XRCC4: variants seen among roughly 807,000 people sequenced by gnomAD.
XRCC4 encodes X-ray repair cross complementing 4.
In XRCC4, 28 loss-of-function variants were observed where a neutral mutation model predicts 39.1. That is an observed-to-expected ratio of 0.72 (90% CI 0.53 to 0.98). The LOEUF (loss-of-function observed/expected upper bound fraction) is 0.98. Among genes scored for constraint, XRCC4 ranks in the 50% least tolerant of loss-of-function variants. The pLI, the probability that XRCC4 is intolerant of heterozygous loss-of-function variation, is 0.00. For missense variants in XRCC4, 350 were observed against 376.4 expected (o/e 0.93, Z 0.58); for synonymous variants, 123 against 126.4 (o/e 0.97, Z 0.18).
chr5:83,318,213 TA>T (rs1755943618), intron 7 of XRCC4, among the ~76,000 whole-genome samples: 1 of 139,266 alleles, frequency 7.2e-6, no homozygotes, highest in Non-Finnish European at 1.5e-5. Context: ...TTCAAAATAA[TA>T]AGAGCTATCT....
chr5:83,085,437 A>G (rs1420238598), intron 1 of XRCC4, among the ~76,000 whole-genome samples: 2 of 151,462 alleles, frequency 1.3e-5, no homozygotes, highest in African/African-American at 4.9e-5. Context: ...CATCTGTCTA[A>G]ACGTTGGGGC....
intron 3 of XRCC4, among the ~76,000 whole-genome samples, chr5:83,111,495 A>T (rs1405463646): frequency 1.3e-5 from 2 of 152,076 alleles, no homozygotes; most frequent in Non-Finnish European, 2.9e-5. Context: ...AGGTGAGATC[A>T]GAAGTTTTAG....
intron 6 of XRCC4, among the ~76,000 whole-genome samples, chr5:83,222,717 G>C (rs1337143258): frequency 6.6e-6 from 1 of 151,866 alleles, no homozygotes; most frequent in East Asian, 1.9e-4. Context: ...TTAGATGTTT[G>C]TGTTTTTTTG....
chr5:83,309,279 AAAAAAAAAAAAAAAAAAAT>A (rs1042980563), intron 7 of XRCC4, among the ~76,000 whole-genome samples: 1 of 122,670 alleles, frequency 8.2e-6, no homozygotes, highest in Non-Finnish European at 1.6e-5. Flanking sequence ...AAAAAAAAAA[AAAAAAAAAAAAAAAAAAAT>A]ATATATATAT....
At chr5:83,100,428 G>A (rs1008760741) in intron 1 of XRCC4, among the ~76,000 whole-genome samples, 15 of 151,994 alleles carry the variant, frequency 9.9e-5, no homozygotes, top group African/African-American at 3.4e-4. Context: ...AAAGGCATCT[G>A]GAATATTGAA....
At chr5:83,153,472 A>G (rs1419676815) in intron 3 of XRCC4, among the ~76,000 whole-genome samples, 1 of 152,202 alleles carries the variant, frequency 6.6e-6, no homozygotes, top group Non-Finnish European at 1.5e-5. Context: ...TCCAAATGTA[A>G]CAGTAAAAAA....
At chr5:83,232,671 A>C (rs940554270) in intron 6 of XRCC4, among the ~76,000 whole-genome samples, 1 of 152,134 alleles carries the variant, frequency 6.6e-6, no homozygotes, top group Admixed American at 6.6e-5. Flanking sequence ...CTTCCAAAAA[A>C]ATATCTAAAT....
At chr5:83,143,897 TTTTC>T (rs1748305700) in intron 3 of XRCC4, among the ~76,000 whole-genome samples, 1 of 151,858 alleles carries the variant, frequency 6.6e-6, no homozygotes, top group Non-Finnish European at 1.5e-5. Flanking sequence ...TGCCTAGGAG[TTTTC>T]TTTCTTTTTT....
At chr5:83,115,957 T>C (rs973203889) in intron 3 of XRCC4, among the ~76,000 whole-genome samples, 1 of 152,214 alleles carries the variant, frequency 6.6e-6, no homozygotes, top group Non-Finnish European at 1.5e-5. Flanking sequence ...GGTAAAACTT[T>C]CAGTGGATGG....
intron 3 of XRCC4, among the ~76,000 whole-genome samples, chr5:83,176,348 G>A (rs1749956966): frequency 6.6e-6 from 1 of 152,084 alleles, no homozygotes. Flanking sequence ...AGTAATTTTA[G>A]TGAAAATTGT....
At chr5:83,206,443 C>G (rs976632351) in intron 6 of XRCC4, among the ~76,000 whole-genome samples, 6 of 151,960 alleles carry the variant, frequency 3.9e-5, no homozygotes, top group Non-Finnish European at 7.4e-5. Context: ...TGGTATCCTG[C>G]TGATTGATGG....
chr5:83,166,998 C>T (rs1179687780), intron 3 of XRCC4, among the ~76,000 whole-genome samples: 1 of 151,980 alleles, frequency 6.6e-6, no homozygotes, highest in Non-Finnish European at 1.5e-5. Flanking sequence ...TCTCCTGCCT[C>T]AGCCTCCTTA....
At chr5:83,367,833 T>C in the XRCC4 span, among the ~76,000 whole-genome samples, 1 of 151,786 alleles carries the variant, frequency 6.6e-6, no homozygotes, top group South Asian at 2.1e-4. Context: ...CCTCAAGTGA[T>C]CCACCCACCT....
chr5:83,143,041 A>G (rs6869612), intron 3 of XRCC4, among the ~76,000 whole-genome samples: 2,280 of 152,262 alleles, frequency 0.015, 73 homozygotes, highest in African/African-American at 0.052. Context: ...TAGAGATTCA[A>G]ATAGTTACCA....
At chr5:83,239,844 A>G (rs572560205) in intron 6 of XRCC4, among the ~76,000 whole-genome samples, 188 of 149,816 alleles carry the variant, frequency 1.3e-3, no homozygotes, top group African/African-American at 4.5e-3. Flanking sequence ...AAAAAAAAAT[A>G]TTTTTCCTTT....
chr5:83,186,623 C>T (rs1032546971), intron 3 of XRCC4, among the ~76,000 whole-genome samples: 5 of 152,156 alleles, frequency 3.3e-5, no homozygotes, highest in African/African-American at 1.2e-4. Flanking sequence ...TTCACAGGTT[C>T]TGGAAATTAC....
chr5:83,128,235 G>A (rs1376572323), intron 3 of XRCC4, among the ~76,000 whole-genome samples: 1 of 152,040 alleles, frequency 6.6e-6, no homozygotes, highest in Non-Finnish European at 1.5e-5. Flanking sequence ...TTGGTTTTCT[G>A]TCCTTGCAAT....
At chr5:83,112,733 A>G (rs1223472018) in intron 3 of XRCC4, among the ~76,000 whole-genome samples, 1 of 152,068 alleles carries the variant, frequency 6.6e-6, no homozygotes, top group Non-Finnish European at 1.5e-5. Context: ...GGCAGGCAAA[A>G]GAACATGTGC....
Position 83,187,038 on chromosome 5 carries a change from G to A in XRCC4, c.316-8732G>A, listed in dbSNP as rs1266553513. On this transcript the variant is annotated intron_variant, in intron 3 of 7. Transcript: ENST00000396027. The stretch of plus-strand genomic sequence containing the variant: ...GGCTCACTGCAAGCTCCGCCTCCCG[G>A]GTTCACGCCATTCTCCTGCCTCAGC... Among the ~76,000 whole-genome samples the A allele has an allele frequency of 1.8e-4, 9 of 50,148 alleles. 3 individuals are homozygous for A. Among genetic ancestry groups the A allele is most frequent in the African/African-American group, 6.7e-4 (7 of 10,516 alleles). The allele number at this position is 50,148 out of a possible 152,430, so 32.9% of individuals were successfully genotyped here. A position where few individuals can be genotyped will look rare whatever the true frequency, so the allele number is the denominator to read the frequency against.
Sources: gnomAD v4.1 joint callset for allele counts (sites outside exome capture counted in the v4.1 genomes callset) on GRCh38, gnomAD v4.1.1 for gene constraint, MANE v1.5 for transcripts, NCBI Gene and HGNC (gene_info 2026-07-23, HGNC 2026-07-21) for gene names.